RYR2: variants seen among roughly 807,000 people sequenced by gnomAD.
RYR2 encodes cardiac muscle ryanodine receptor-calcium release channel.
Under a neutral mutation model 601.1 loss-of-function variants are expected in RYR2, and 227 were observed. The ratio of observed to expected loss-of-function variants is 0.38; its 90% confidence interval spans 0.34 to 0.42. The LOEUF is 0.42. Ranked by LOEUF, RYR2 falls within the 10% of genes least tolerant of loss-of-function variation. RYR2 has a pLI of 1.00. For synonymous variants in RYR2, 2,223 were observed against 2,175.1 expected (o/e 1.02, Z -0.61); for missense variants, 4,646 against 6,156.5 (o/e 0.75, Z 8.21).
intron 80 of RYR2, among the ~76,000 whole-genome samples, chr1:237,749,772 T>A (rs1485357351): frequency 1.3e-5 from 2 of 152,208 alleles, no homozygotes; most frequent in African/African-American, 4.8e-5. Context: ...TTTATCACTT[T>A]TTATCATTTG....
intron 98 of RYR2, 115 bp from the exon 99 acceptor site, chr1:237,806,022 G>A: frequency 3.7e-6 from 3 of 820,260 alleles, no homozygotes; most frequent in Non-Finnish European, 5.7e-6. Context: ...TTCCACATGT[G>A]AGTGAGAACA....
At chr1:237,818,482 C>T (rs998660375) in intron 100 of RYR2, among the ~76,000 whole-genome samples, 2 of 152,028 alleles carry the variant, frequency 1.3e-5, no homozygotes, top group African/African-American at 4.8e-5. Context: ...AGGGTTTAAA[C>T]AATAAGATGC....
At chr1:237,318,306 A>C (rs910394845) in intron 2 of RYR2, among the ~76,000 whole-genome samples, 1 of 152,086 alleles carries the variant, frequency 6.6e-6, no homozygotes, top group African/African-American at 2.4e-5. Context: ...TACATCATAC[A>C]TATATGTTCC....
Position 237,388,137 on chromosome 1 carries a change from G to A in RYR2, c.727G>A (p.Glu243Lys), listed in dbSNP as rs794728712. 6.2e-7 allele frequency: 1 copy of A among 1,613,910 alleles called. No individual in the cohort carries two copies. Among genetic ancestry groups the A allele is most frequent in the Non-Finnish European group, 8.5e-7 (1 of 1,179,894 alleles). Residue 243 changes from glutamate (E) to lysine (K), a missense_variant, in exon 10 of 105, where the codon GAG becomes AAG. Glu to Lys is a moderately conservative substitution (Grantham distance 56). Transcript: ENST00000366574. ...CAGGTTGCTGCATGGACACATGGACGAGTGTCTCACTGTCCCTTCAGGAGA... is the reference window on the plus strand; with the variant it reads ...CAGGTTGCTGCATGGACACATGGACAAGTGTCTCACTGTCCCTTCAGGAGA... Reference protein sequence around the residue: ...VLRLLHGHMDECLTVPSGEHG... With the variant: ...VLRLLHGHMDKCLTVPSGEHG...
rs531736984 is a variant in RYR2 at position 237,298,905 on chromosome 1, T to A, written c.168+28289T>A. ...GTTCCACATACTTGGGAGTCTGAAG[T>A]GGGAAGATCCCTTGAGCCCAGGAAT... On this transcript the variant is annotated intron_variant, in intron 2 of 104. Coordinates refer to ENST00000366574, the MANE Select transcript of RYR2 (RefSeq NM_001035.3). Among the ~76,000 whole-genome samples, 105 of 152,144 alleles carry A rather than the reference T, an allele frequency of 6.9e-4. 1 individual carries two copies. The highest frequency in any genetic ancestry group is 2.4e-3 in the African/African-American group (100 of 41,508).
chr1:237,229,522 G>A (rs1019794345), intron 1 of RYR2, among the ~76,000 whole-genome samples: 5 of 152,182 alleles, frequency 3.3e-5, no homozygotes, highest in South Asian at 2.1e-4. Context: ...GTTCCTGTTG[G>A]TACATTGAAT....
chr1:237,408,935 TTAAGA>T lies in RYR2; in HGVS notation c.774-8110_774-8106del, dbSNP rs540018985. On this transcript the variant is annotated intron_variant, in intron 10 of 104. Transcript: ENST00000366574. ...TATTTCAGCATTTAATTTTTTGGTA[TTAAGA>T]TAAATAATATTTTTACTTTAAATAC... 5.3e-3 allele frequency among the ~76,000 whole-genome samples: 460 copies of T among 87,252 alleles called. 7 individuals are homozygous for T. The highest frequency in any genetic ancestry group is 9.0e-4 in the Non-Finnish European group (37 of 40,966). 57.2% of individuals were successfully genotyped at this position (87,252 alleles called of 152,430 possible). A position where few individuals can be genotyped will look rare whatever the true frequency, so the allele number is the denominator to read the frequency against.
intron 91 of RYR2, among the ~76,000 whole-genome samples, chr1:237,786,944 G>T (rs551308436): frequency 3.7e-4 from 57 of 152,250 alleles, no homozygotes; most frequent in African/African-American, 1.3e-3. Flanking sequence ...ACAAATAACA[G>T]CAAGACAGGC....
In RYR2 at chr1:237,521,047, G is replaced by T. The variant is rs115193394; in HGVS notation, c.2822+9256G>T. Among the ~76,000 whole-genome samples, 353 of 152,116 alleles carry T rather than the reference G, an allele frequency of 2.3e-3. 2 individuals carry two copies. The highest frequency in any genetic ancestry group is 8.0e-3 in the African/African-American group (334 of 41,512). On this transcript the variant is annotated intron_variant, in intron 24 of 104. Transcript: ENST00000366574. ...GTGAGACTCTGTCTCCAAAAAAAAGGATTGAATCAGTAATAAAAATTGTCC... is the reference window on the plus strand; with the variant it reads ...GTGAGACTCTGTCTCCAAAAAAAAGTATTGAATCAGTAATAAAAATTGTCC...
intron 1 of RYR2, among the ~76,000 whole-genome samples, chr1:237,239,557 T>C (rs1365748152): frequency 6.6e-6 from 1 of 152,144 alleles, no homozygotes; most frequent in African/African-American, 2.4e-5. Flanking sequence ...CTTGCCTCCT[T>C]CTTTACTGCA....
intron 96 of RYR2, 75 bp downstream of exon 96, chr1:237,795,406 G>C (rs1658977713): frequency 6.7e-6 from 5 of 744,110 alleles, no homozygotes; most frequent in Non-Finnish European, 1.1e-5. Context: ...TTCAGATGTA[G>C]AATAAGATAT....
At chr1:237,226,617 A>C (rs1558458650) in intron 1 of RYR2, among the ~76,000 whole-genome samples, 6 of 152,168 alleles carry the variant, frequency 3.9e-5, no homozygotes, top group Admixed American at 2.6e-4. Context: ...CATGGGTCAC[A>C]CTGGACTGCT....
chr1:237,463,158 G>A (rs778560545), intron 16 of RYR2, among the ~76,000 whole-genome samples: 53 of 152,162 alleles, frequency 3.5e-4, no homozygotes, highest in Admixed American at 5.9e-4. Context: ...TTTGAAAAAT[G>A]TTTCTAGATT....
chr1:237,148,072 G>A (rs539330255), intron 1 of RYR2, among the ~76,000 whole-genome samples: 168 of 152,266 alleles, frequency 1.1e-3, no homozygotes, highest in Middle Eastern at 3.4e-3. Context: ...AAGTTCCACC[G>A]CATGTCGTGT....
chr1:237,347,948 A>AT (rs1698438282), intron 3 of RYR2, among the ~76,000 whole-genome samples: 1 of 152,162 alleles, frequency 6.6e-6, no homozygotes. Flanking sequence ...TAGGTCTAAC[A>AT]TTTTTTATAC....
At chr1:237,495,502 A>T (rs1663973153) in intron 19 of RYR2, among the ~76,000 whole-genome samples, 1 of 151,842 alleles carries the variant, frequency 6.6e-6, no homozygotes, top group Non-Finnish European at 1.5e-5. Context: ...AGCACCTTCT[A>T]TGTTTTTGTT....
chr1:237,437,846 A>C (rs1334633351), intron 12 of RYR2, among the ~76,000 whole-genome samples: 2 of 152,204 alleles, frequency 1.3e-5, no homozygotes, highest in East Asian at 1.9e-4. Context: ...AAAAGTTAAA[A>C]ATTTACAGGT....
chr1:237,239,213 T>C (rs1685898604), intron 1 of RYR2, among the ~76,000 whole-genome samples: 1 of 151,968 alleles, frequency 6.6e-6, no homozygotes, highest in Non-Finnish European at 1.5e-5. Context: ...TGAAGCAGGG[T>C]TGTTTGTCTG....
At chr1:237,403,493 A>G (rs1333754825) in intron 10 of RYR2, among the ~76,000 whole-genome samples, 2 of 152,150 alleles carry the variant, frequency 1.3e-5, no homozygotes, top group Non-Finnish European at 2.9e-5. Flanking sequence ...ATCATGGTTC[A>G]CTGCAGCCTC....
Sources: allele counts gnomAD v4.1 joint callset (sites outside exome capture counted in the v4.1 genomes callset), GRCh38; gene constraint gnomAD v4.1.1; transcripts MANE v1.5; gene names NCBI Gene and HGNC (gene_info 2026-07-23, HGNC 2026-07-21).